CD163L1: variants seen among roughly 807,000 people sequenced by gnomAD.
CD163L1 encodes the protein CD163 molecule like 1.
CD163L1 carries 124 observed loss-of-function variants against 165.4 expected under a neutral mutation model. The ratio of observed to expected loss-of-function variants is 0.75; its 90% CI spans 0.65 to 0.87. The LOEUF (loss-of-function observed/expected upper bound fraction) is 0.87. CD163L1 is among the 40% of genes least tolerant of loss of function. CD163L1 has a pLI of 0.00. For synonymous variants in CD163L1, 585 were observed against 662.2 expected (o/e 0.88, Z 1.79); for missense variants, 1,525 against 1,799.9 (o/e 0.85, Z 2.76).
rs1375805919 is a variant in CD163L1, at chr12:7,398,067, G to T, written c.1729+197C>A. Among the ~76,000 whole-genome samples the T allele has an allele frequency of 6.6e-6, 1 of 152,136 alleles. No homozygotes were observed. Among genetic ancestry groups the T allele is most frequent in the African/African-American group, 2.4e-5 (1 of 41,438 alleles). On this transcript the variant is annotated intron_variant, in intron 7 of 19. Transcript: ENST00000313599. The surrounding 1 kb of genome is among the most constrained non-coding windows in gnomAD (Gnocchi z 4.5). ...AAGGGATCCAAAGGATCATAGTCAG[G>T]GTTGTCTACTAATTTCTTACTTTAC... is the stretch of plus-strand genomic sequence containing the variant.
chr12:7,331,706 ACCTGCAGCTGAGGGT>A, the CD163L1 span, among the ~76,000 whole-genome samples: 1 of 152,232 alleles, frequency 6.6e-6, no homozygotes, highest in Non-Finnish European at 1.5e-5. Context: ...ATTCCAACAG[ACCTGCAGCTGAGGGT>A]CCTGACTGTT....
chr12:7,336,374 T>C, the CD163L1 span, among the ~76,000 whole-genome samples: 6 of 152,044 alleles, frequency 3.9e-5, no homozygotes, highest in African/African-American at 7.3e-5. Context: ...TGGATGAAGC[T>C]GGAAGCCATC....
At chr12:7,405,820 T>G (rs7307143) in intron 5 of CD163L1, among the ~76,000 whole-genome samples, 360 of 152,344 alleles carry the variant, frequency 2.4e-3, no homozygotes, top group Non-Finnish European at 4.2e-3. Context: ...GGGATTCTCC[T>G]TTCGTAAGAA....
intron 18 of CD163L1, among the ~76,000 whole-genome samples, chr12:7,364,526 A>G (rs894608470): frequency 7.9e-5 from 12 of 152,176 alleles, no homozygotes; most frequent in African/African-American, 2.9e-4. Context: ...ATATGGTTTT[A>G]TAGTTAGAAA....
At chr12:7,340,110 C>T in the CD163L1 span, among the ~76,000 whole-genome samples, 55,348 of 151,916 alleles carry the variant, frequency 0.36, 12,585 homozygotes, top group Non-Finnish European at 0.52. Flanking sequence ...AGAGGGAACA[C>T]GCTAAATTCC....
At chr12:7,322,576 G>T in the CD163L1 span, 63 of 1,575,990 alleles carry the variant, frequency 4.0e-5, no homozygotes, top group Admixed American at 2.2e-4. Flanking sequence ...TAGTATATGT[G>T]GGGGCCTTTC....
chr12:7,339,237 C>T, the CD163L1 span, among the ~76,000 whole-genome samples: 1 of 152,104 alleles, frequency 6.6e-6, no homozygotes, highest in Non-Finnish European at 1.5e-5. Context: ...ACTAAGAAGT[C>T]CATTCCTAGT....
downstream of CD163L1, among the ~76,000 whole-genome samples, chr12:7,353,105 AAAG>A (rs1466298209): frequency 2.0e-5 from 3 of 152,198 alleles, no homozygotes; most frequent in African/African-American, 4.8e-5. Flanking sequence ...ATGGCTTAAC[AAAG>A]AAGAAGAAAT....
At chr12:7,433,307 T>C (rs750138073) in intron 3 of CD163L1, 67 bp downstream of exon 3, 1 of 1,418,426 alleles carries the variant, frequency 7.1e-7, no homozygotes, top group Admixed American at 2.2e-5. Flanking sequence ...TAGAAACCCC[T>C]ACCTTCCAGC....
In CD163L1 at chr12:7,379,183, G is replaced by T. The variant is rs758327820; in HGVS notation, c.2166C>A (p.Asn722Lys). 6.2e-7 allele frequency: 1 copy of T among 1,614,130 alleles called. No individual in the cohort carries two copies. The part of the protein sequence containing the change: ...GILCANGWGM[N>K]IAEVVCRQLE... ...GTTGCCTGCAAACAACTTCAGCAAT[G>T]TTCATTCCCCAGCCATTAGCACACA... The change falls in exon 9 of 20, where the codon AAC becomes AAA. Residue 722 changes from asparagine to lysine, a missense_variant. By Grantham distance (94) the Asn-to-Lys change is moderately conservative. Transcript: ENST00000313599.
At chr12:7,383,011 A>G (rs908456090) in intron 8 of CD163L1, among the ~76,000 whole-genome samples, 1 of 152,144 alleles carries the variant, frequency 6.6e-6, no homozygotes, top group Non-Finnish European at 1.5e-5. Flanking sequence ...AGAGCCTGAG[A>G]GCCACCTGTC....
intron 18 of CD163L1, among the ~76,000 whole-genome samples, chr12:7,358,022 T>C (rs1358711847): frequency 6.6e-6 from 1 of 152,074 alleles, no homozygotes; most frequent in Non-Finnish European, 1.5e-5. Flanking sequence ...GAGTCATTAC[T>C]CCCAATCGCA....
chr12:7,396,061 T>G, intron 8 of CD163L1, 34 bp downstream of exon 8: 1 of 1,553,494 alleles, frequency 6.4e-7, no homozygotes, highest in Non-Finnish European at 8.7e-7. Context: ...CCCAGGCAGT[T>G]TCTTTTAAGG....
chr12:7,408,187 G>A (rs1418844829), intron 4 of CD163L1, among the ~76,000 whole-genome samples: 1 of 151,720 alleles, frequency 6.6e-6, no homozygotes, highest in South Asian at 2.1e-4. Context: ...GTATCTCTCA[G>A]TTAAATGAAT....
chr12:7,368,160 G>A lies in CD163L1; in HGVS notation c.4110C>T (p.Leu1370=), dbSNP rs535816157. 1 of 1,611,390 alleles carries A rather than the reference G, an allele frequency of 6.2e-7. No homozygotes were observed. Among genetic ancestry groups the A allele is most frequent in the Non-Finnish European group, 8.5e-7 (1 of 1,177,730 alleles). The change falls in exon 17 of 20, where the codon CTC becomes CTT. Residue 1370 remains leucine, a synonymous_variant. Coordinates refer to ENST00000313599, the MANE Select transcript of CD163L1 (RefSeq NM_174941.6). This position sits in a 1 kb window ranked among gnomAD's most constrained non-coding sequence, Gnocchi z 4.3. ...ATAGAATAAACAGAACCAGGAGAAG[G>A]AGCCCAAAGATACTGGATAAAATAA... ...LALILSSIFG[L]LLLVLFILFL...
chr12:7,440,629 C>CTTTTTTTT (rs71067189), intron 2 of CD163L1, among the ~76,000 whole-genome samples: 1 of 116,380 alleles, frequency 8.6e-6, no homozygotes, highest in Non-Finnish European at 1.8e-5. Context: ...TATCTTTTTT[C>CTTTTTTTT]TTTTTTTTTT....
chr12:7,351,559 C>G (rs1281441267), downstream of CD163L1, among the ~76,000 whole-genome samples: 1 of 152,136 alleles, frequency 6.6e-6, no homozygotes, highest in Non-Finnish European at 1.5e-5. Flanking sequence ...ACCTACATTA[C>G]CTCCTTAAGG....
intron 8 of CD163L1, among the ~76,000 whole-genome samples, chr12:7,390,322 T>C (rs1160188716): frequency 6.6e-6 from 1 of 152,010 alleles, no homozygotes; most frequent in African/African-American, 2.4e-5. Context: ...AACAATATAT[T>C]GTATATTTTT....
At chr12:7,343,481 T>C (rs1472345661), downstream of CD163L1, among the ~76,000 whole-genome samples, 3 of 152,184 alleles carry the variant, frequency 2.0e-5, no homozygotes, top group Non-Finnish European at 4.4e-5. Context: ...GGGCATCTTA[T>C]TGGCTTCTGA....
Sources: gnomAD v4.1 joint callset for allele counts (sites outside exome capture counted in the v4.1 genomes callset) on GRCh38, gnomAD v4.1.1 for gene constraint, Gnocchi (gnomAD v3.1) non-coding constraint, MANE v1.5 for transcripts, NCBI Gene and HGNC (gene_info 2026-07-23, HGNC 2026-07-21) for gene names.